The following CFAP61 variants were observed in gnomAD, a reference collection of about 807,000 sequenced individuals.
CFAP61 encodes the protein cilia- and flagella-associated protein 61.
CFAP61 carries 107 observed loss-of-function variants against 135.6 expected under a neutral mutation model. The observed-to-expected ratio is 0.79, with a 90% CI of 0.67 to 0.93. The LOEUF (loss-of-function observed/expected upper bound fraction) is 0.93, where lower values mean the gene tolerates loss of function less well. Ranked by LOEUF, CFAP61 falls within the 40% of genes least tolerant of loss-of-function variation. The pLI is 0.00. For synonymous variants in CFAP61, 575 were observed against 578.5 expected, an observed-to-expected ratio of 0.99 and a Z score of 0.09; for missense variants, 1,507 against 1,556.2, an observed-to-expected ratio of 0.97 and a Z score of 0.53.
chr20:20,277,260 G>A lies in CFAP61; in HGVS notation c.2598G>A (p.Val866=). 1 of 1,613,968 alleles carries A rather than the reference G, an allele frequency of 6.2e-7. No individual in the cohort carries two copies. Among genetic ancestry groups the A allele is most frequent in the Non-Finnish European group, 8.5e-7 (1 of 1,180,046 alleles). The change falls in exon 22 of 27, where the codon GTG becomes GTA. Residue 866 remains valine (V), a synonymous_variant. Transcript: ENST00000245957. ...LGVSGSRIHL[V]QPPPASTITC... is the part of the protein sequence containing the mutation. ...TGAGCGGCAGCCGCATCCACCTCGT[G>A]CAGCCCCCGCCCGCCTCCACCATCA...
chr20:20,124,649 TG>T lies in CFAP61; in HGVS notation c.860-18207del, dbSNP rs2092754852. Among the ~76,000 whole-genome samples the T allele has an allele frequency of 2.0e-5, 3 of 151,974 alleles. No homozygotes were observed. In the South Asian group the frequency reaches 6.2e-4, roughly 31 times the overall value. ...TGTTGGATTTAGTTAGCTAGTTTTTTGTTAAGGATTTTGGCATCTATGTTCA... is the reference window on the plus strand; with the variant it reads ...TGTTGGATTTAGTTAGCTAGTTTTTTTTAAGGATTTTGGCATCTATGTTCA... On this transcript the variant is annotated intron_variant, in intron 8 of 26. Coordinates refer to ENST00000245957, the MANE Select transcript of CFAP61 (RefSeq NM_015585.4).
At chr20:20,279,298 G>A (rs1270164468) in intron 22 of CFAP61, among the ~76,000 whole-genome samples, 1 of 152,136 alleles carries the variant, frequency 6.6e-6, no homozygotes, top group African/African-American at 2.4e-5. Flanking sequence ...TAGAGCTTTT[G>A]ACTCTCCAAA....
intron 12 of CFAP61, 28 bp downstream of exon 12, chr20:20,166,464 G>T: frequency 6.4e-7 from 1 of 1,573,582 alleles, no homozygotes; most frequent in Non-Finnish European, 8.7e-7. Context: ...TTTGAGAACT[G>T]ATTTTGTAAG....
chr20:20,098,550 G>A (rs560358034), intron 7 of CFAP61, 105 bp from the exon 8 acceptor site: 51 of 995,702 alleles, frequency 5.1e-5, no homozygotes, highest in Admixed American at 4.2e-4. Context: ...CGGAGGTTGC[G>A]GTGAGCCAAG....
At chr20:20,304,786 G>T (rs1393610757) in intron 25 of CFAP61, among the ~76,000 whole-genome samples, 1 of 151,970 alleles carries the variant, frequency 6.6e-6, no homozygotes, top group African/African-American at 2.4e-5. Flanking sequence ...GAGAGGGGAG[G>T]CTGAGGCGGC....
chr20:20,206,530 G>A (rs2056863343), intron 17 of CFAP61, among the ~76,000 whole-genome samples: 2 of 152,126 alleles, frequency 1.3e-5, no homozygotes, highest in Non-Finnish European at 2.9e-5. Flanking sequence ...CATATACTAT[G>A]CGGTATTTTG....
chr20:20,282,895 C>T (rs2424323), intron 22 of CFAP61, among the ~76,000 whole-genome samples: 53,336 of 150,496 alleles, frequency 0.35, 9,514 homozygotes, highest in Admixed American at 0.4. Context: ...GCCCAGATGG[C>T]GCCATTGCAC....
chr20:20,290,855 C>T (rs2054955240), intron 24 of CFAP61, among the ~76,000 whole-genome samples: 1 of 152,212 alleles, frequency 6.6e-6, no homozygotes, highest in African/African-American at 2.4e-5. Flanking sequence ...CAGGTGACTG[C>T]AGCCCCAGCC....
intron 2 of CFAP61, among the ~76,000 whole-genome samples, chr20:20,070,370 C>T (rs1011436087): frequency 2.0e-5 from 3 of 152,146 alleles, no homozygotes; most frequent in Non-Finnish European, 4.4e-5. Context: ...AGACTGTTAG[C>T]TTTACTGCTG....
chr20:20,248,972 C>T (rs1950189734), intron 19 of CFAP61, among the ~76,000 whole-genome samples: 1 of 152,188 alleles, frequency 6.6e-6, no homozygotes, highest in African/African-American at 2.4e-5. Flanking sequence ...GAGTCACGGT[C>T]AAGCTCACTT....
rs568211225 is a variant in CFAP61 at position 20,282,746 on chromosome 20, C to A, written c.2796+5288C>A. Among the ~76,000 whole-genome samples the A allele has an allele frequency of 7.9e-5, 12 of 152,224 alleles. No individual in the cohort carries two copies. In the South Asian group the frequency reaches 2.5e-3, roughly 32 times the overall value. ...TTGAGGTCAGGAGTTCAAGACCAAC[C>A]TGCCCAACATGGTGAAACCCTGTCT... On this transcript the variant is annotated intron_variant, in intron 22 of 26. Transcript: ENST00000245957.
At chr20:20,187,170 G>A (rs573241548) in intron 13 of CFAP61, among the ~76,000 whole-genome samples, 1 of 152,320 alleles carries the variant, frequency 6.6e-6, no homozygotes, top group African/African-American at 2.4e-5. Flanking sequence ...GTGTCATGTA[G>A]CTGACTCATG....
chr20:20,183,323 G>A (rs2055258195), intron 13 of CFAP61, among the ~76,000 whole-genome samples: 1 of 151,886 alleles, frequency 6.6e-6, no homozygotes, highest in Non-Finnish European at 1.5e-5. Flanking sequence ...CACCATGCAC[G>A]GCTAATTTTT....
At chr20:20,171,810 A>C (rs1425540375) in intron 13 of CFAP61, 1 of 709,744 alleles carries the variant, frequency 1.4e-6, no homozygotes, top group Non-Finnish European at 2.6e-6. Context: ...AGTTCATAGC[A>C]TCACCAGAGT....
rs1252388121 is a variant in CFAP61, at chr20:20,052,541, G to T, written c.-87G>T. The T allele has an allele frequency of 1.2e-6, 2 of 1,614,066 alleles. No individual in the cohort carries two copies. Among genetic ancestry groups the T allele is most frequent in the African/African-American group, 2.7e-5 (2 of 74,952 alleles). ...CGTTTCCATGGTGACCAGGCTGCGC[G>T]TCCTCCTTGCGGCAGCGCGTGGAGT... On this transcript the variant is annotated 5_prime_UTR_variant, in exon 1 of 27. Coordinates refer to ENST00000245957, the MANE Select transcript of CFAP61 (RefSeq NM_015585.4).
chr20:20,248,745 A>G (rs1205979808), intron 19 of CFAP61, among the ~76,000 whole-genome samples: 1 of 152,164 alleles, frequency 6.6e-6, no homozygotes, highest in Non-Finnish European at 1.5e-5. Context: ...CCACTGACTC[A>G]TCTGTGGCCC....
rs1397688238 is a variant in CFAP61 at position 20,140,175 on chromosome 20, T to A, written c.860-2682T>A. On this transcript the variant is annotated intron_variant, in intron 8 of 26. Transcript: ENST00000245957. ...TTTAGTGCTGTCTTGTTGCATTTTTTAAAAAATTTTTTATTTTTTATTTTA... is the reference window on the plus strand; with the variant it reads ...TTTAGTGCTGTCTTGTTGCATTTTTAAAAAAATTTTTTATTTTTTATTTTA... 1.0e-4 allele frequency among the ~76,000 whole-genome samples: 15 copies of A among 150,012 alleles called. 2 individuals are homozygous for A. In the East Asian group the frequency reaches 1.9e-3, roughly 19 times the overall value.
At chr20:20,207,970 A>G (rs543988698) in intron 17 of CFAP61, among the ~76,000 whole-genome samples, 1 of 152,304 alleles carries the variant, frequency 6.6e-6, no homozygotes, top group East Asian at 1.9e-4. Flanking sequence ...AGTATTGTAA[A>G]GTGTGATTTT....
At chr20:20,074,240 C>A in intron 3 of CFAP61, 62 bp from the exon 4 acceptor site, 2 of 1,379,942 alleles carry the variant, frequency 1.4e-6, no homozygotes, top group East Asian at 2.3e-5. Flanking sequence ...TCTTTCCACC[C>A]TGTGCTGACC....
Sources: gnomAD v4.1 joint callset for allele counts (sites outside exome capture counted in the v4.1 genomes callset) on GRCh38, gnomAD v4.1.1 for gene constraint, MANE v1.5 for transcripts, NCBI Gene and HGNC (gene_info 2026-07-23, HGNC 2026-07-21) for gene names.